The following SND1 variants were observed in gnomAD, a reference collection of about 807,000 sequenced individuals.
The protein encoded by SND1 is staphylococcal nuclease and tudor domain containing 1, also known as staphylococcal nuclease domain-containing protein 1.
SND1 carries 38 observed loss-of-function variants against 121.7 expected under a neutral mutation model. That is an observed-to-expected ratio of 0.31 (90% CI 0.24 to 0.41). The LOEUF (loss-of-function observed/expected upper bound fraction) is 0.41. SND1 is among the 10% of genes least tolerant of loss of function. The pLI is 1.00. For missense variants in SND1, 868 were observed against 1,184.6 expected, an observed-to-expected ratio of 0.73 and a Z score of 3.92; for synonymous variants, 401 against 447.4, an observed-to-expected ratio of 0.90 and a Z score of 1.31.
chr7:128,026,897 G>C lies in SND1; in HGVS notation c.1779+35841G>C, dbSNP rs139227318. On this transcript the variant is annotated intron_variant, in intron 16 of 23. Transcript: ENST00000354725. ...ATCGGGGTGCTTTTATTTAAGCTAAGGAAAGGTTGACAGCTTTAGCATTTT... is the reference window on the plus strand; with the variant it reads ...ATCGGGGTGCTTTTATTTAAGCTAACGAAAGGTTGACAGCTTTAGCATTTT... Among the ~76,000 whole-genome samples the C allele has an allele frequency of 4.6e-5, 7 of 152,206 alleles. No homozygotes were observed. The East Asian group carries it at 1.4e-3, about 29-fold the overall frequency.
chr7:127,778,599 T>G (rs1797664877), intron 10 of SND1, among the ~76,000 whole-genome samples: 1 of 152,248 alleles, frequency 6.6e-6, no homozygotes, highest in South Asian at 2.1e-4. Flanking sequence ...TGGGTTTCTG[T>G]GACTTAGGAG....
intron 12 of SND1, among the ~76,000 whole-genome samples, chr7:127,882,826 A>G (rs1186974921): frequency 1.3e-5 from 2 of 152,174 alleles, no homozygotes; most frequent in Non-Finnish European, 2.9e-5. Context: ...CTTTAGACAA[A>G]TTTATAAATT....
At chr7:127,657,764 G>T (rs933551669) in intron 1 of SND1, among the ~76,000 whole-genome samples, 1 of 152,150 alleles carries the variant, frequency 6.6e-6, no homozygotes, top group Non-Finnish European at 1.5e-5. Flanking sequence ...CTCCCAAAGT[G>T]CTGGGTTTAT....
chr7:127,920,100 T>C (rs958147688), intron 14 of SND1, among the ~76,000 whole-genome samples: 1 of 152,200 alleles, frequency 6.6e-6, no homozygotes, highest in African/African-American at 2.4e-5. Context: ...ATATAGTACA[T>C]TACTATACTG....
At chr7:127,743,628 T>C (rs986920374) in intron 10 of SND1, among the ~76,000 whole-genome samples, 20 of 152,218 alleles carry the variant, frequency 1.3e-4, no homozygotes, top group African/African-American at 4.8e-4. Context: ...TTGGATTCAG[T>C]AAGTCTGAAG....
At chr7:128,073,959 C>T (rs1014686435) in intron 16 of SND1, among the ~76,000 whole-genome samples, 2 of 152,180 alleles carry the variant, frequency 1.3e-5, no homozygotes, top group Non-Finnish European at 2.9e-5. Flanking sequence ...ACTGCCCTTG[C>T]GCTGATGCAT....
chr7:127,997,251 C>T (rs1802683990), intron 16 of SND1, among the ~76,000 whole-genome samples: 1 of 152,102 alleles, frequency 6.6e-6, no homozygotes, highest in South Asian at 2.1e-4. Flanking sequence ...TTTTAGAAGG[C>T]AATAATTCTT....
intron 10 of SND1, among the ~76,000 whole-genome samples, chr7:127,723,654 C>A (rs982877728): frequency 2.6e-5 from 4 of 152,130 alleles, no homozygotes; most frequent in Non-Finnish European, 4.4e-5. Context: ...GGGTGATCTT[C>A]CCAGGTCAGC....
intron 12 of SND1, chr7:127,858,428 G>T: frequency 2.3e-6 from 2 of 877,124 alleles, no homozygotes; most frequent in Non-Finnish European, 1.8e-6. Context: ...ACTCACTGGG[G>T]TCTGGCCCAA....
chr7:127,764,444 C>T (rs532035415), intron 10 of SND1, among the ~76,000 whole-genome samples: 1 of 152,296 alleles, frequency 6.6e-6, no homozygotes, highest in South Asian at 2.1e-4. Flanking sequence ...GAACTCCATG[C>T]TCATTAAGTT....
intron 10 of SND1, among the ~76,000 whole-genome samples, chr7:127,725,790 GAGT>G (rs1441914245): frequency 9.2e-5 from 14 of 152,270 alleles, no homozygotes; most frequent in Non-Finnish European, 1.3e-4. Context: ...GGAACTAGAT[GAGT>G]AGGAGAAGAG....
At chr7:127,678,903 T>C (rs806162) in intron 1 of SND1, 151,431 of 152,352 alleles carry the variant, frequency 0.99, 75,257 homozygotes, top group Middle Eastern at 1. Context: ...CTTTTTACAG[T>C]AGCTCCTTCC....
rs1488005522 is a variant in SND1, at chr7:128,047,495, TA to T, written c.1780-27004del. On this transcript the variant is annotated intron_variant, in intron 16 of 23. Transcript: ENST00000354725. The stretch of plus-strand genomic sequence containing the variant: ...ATCTCTTTTTTAAAGGAAGCTTTAT[TA>T]AATGGAAAAATACCACTTACCATAA... Among the ~76,000 whole-genome samples, 3 of 152,248 alleles carry T rather than the reference TA, an allele frequency of 2.0e-5. No homozygotes were observed. In the East Asian group the frequency reaches 5.8e-4, roughly 29 times the overall value.
At chr7:127,979,071 T>C (rs1802197429) in intron 15 of SND1, among the ~76,000 whole-genome samples, 1 of 152,156 alleles carries the variant, frequency 6.6e-6, no homozygotes, top group Non-Finnish European at 1.5e-5. Context: ...ATAGTAAATA[T>C]CTTAGTCTTT....
chr7:127,990,900 C>T, intron 15 of SND1, 47 bp from the exon 16 acceptor site: 1 of 1,400,006 alleles, frequency 7.1e-7, no homozygotes, highest in Non-Finnish European at 1.0e-6. Context: ...GACAGCAAGC[C>T]TAGTGGGCAC....
At chr7:127,821,838 C>A (rs1798555081) in intron 11 of SND1, among the ~76,000 whole-genome samples, 1 of 151,952 alleles carries the variant, frequency 6.6e-6, no homozygotes, top group African/African-American at 2.4e-5. Context: ...TGTTTTATTG[C>A]CGAAACAGAC....
intron 16 of SND1, among the ~76,000 whole-genome samples, chr7:128,048,209 T>A (rs916978138): frequency 6.6e-6 from 1 of 151,980 alleles, no homozygotes; most frequent in Non-Finnish European, 1.5e-5. Context: ...TGGGAGACCC[T>A]GAGACCACAG....
intron 1 of SND1, among the ~76,000 whole-genome samples, chr7:127,670,550 T>C (rs1727117819): frequency 6.6e-6 from 1 of 152,262 alleles, no homozygotes; most frequent in South Asian, 2.1e-4. Context: ...TTGCCTCTTA[T>C]AGAAAGTTCT....
intron 11 of SND1, among the ~76,000 whole-genome samples, chr7:127,815,384 G>T (rs1272242084): frequency 6.6e-6 from 1 of 152,124 alleles, no homozygotes; most frequent in Admixed American, 6.5e-5. Context: ...CAGCTATTTG[G>T]GTGGCTGAGA....
Sources: allele counts gnomAD v4.1 joint callset (sites outside exome capture counted in the v4.1 genomes callset), GRCh38; gene constraint gnomAD v4.1.1; transcripts MANE v1.5; gene names NCBI Gene and HGNC (gene_info 2026-07-23, HGNC 2026-07-21).